DCDC1: variants seen among roughly 807,000 people sequenced by gnomAD.
The protein encoded by DCDC1 is doublecortin domain containing 1.
In DCDC1, 200 loss-of-function variants were observed where a neutral mutation model predicts 178.3. The ratio of observed to expected loss-of-function variants is 1.12; its 90% confidence interval spans 1.00 to 1.26. DCDC1 has a LOEUF of 1.26. Among genes scored for constraint, DCDC1 ranks in the 50% most tolerant of loss-of-function variants. The pLI is 0.00. For synonymous variants in DCDC1, 690 were observed against 604.8 expected, an observed-to-expected ratio of 1.14 and a Z score of -2.07; for missense variants, 1,983 against 1,749.2, an observed-to-expected ratio of 1.13 and a Z score of -2.38.
chr11:31,010,480 C>T (rs1340549092), intron 20 of DCDC1, among the ~76,000 whole-genome samples: 1 of 152,218 alleles, frequency 6.6e-6, no homozygotes, highest in African/African-American at 2.4e-5. Flanking sequence ...GAAAGTGTCC[C>T]ACTCTAGTTT....
rs149129311 is a variant in DCDC1, at chr11:31,261,279, T to C, written c.1054+4228A>G. Among the ~76,000 whole-genome samples, 10 of 152,304 alleles carry C rather than the reference T, an allele frequency of 6.6e-5. 1 individual carries two copies. Among genetic ancestry groups the C allele is most frequent in the African/African-American group, 2.4e-4 (10 of 41,572 alleles). ...CTGTTTACATTATCTCCTAAGTTAA[T>C]CATTATTGTTTTAGGTAGTATTGTG... On this transcript the variant is annotated intron_variant, in intron 8 of 38. Coordinates refer to ENST00000684477, the MANE Select transcript of DCDC1 (RefSeq NM_001387274.1).
At chr11:30,893,580 T>C (rs987072401) in intron 35 of DCDC1, among the ~76,000 whole-genome samples, 1 of 152,228 alleles carries the variant, frequency 6.6e-6, no homozygotes, top group Non-Finnish European at 1.5e-5. Flanking sequence ...GCACGAAGTC[T>C]TATTTCTAGG....
intron 20 of DCDC1, among the ~76,000 whole-genome samples, chr11:31,051,978 G>A (rs1056728306): frequency 3.9e-5 from 6 of 152,152 alleles, no homozygotes; most frequent in African/African-American, 1.4e-4. Flanking sequence ...TGAGCAAGAT[G>A]AAAGCAATGG....
intron 11 of DCDC1, among the ~76,000 whole-genome samples, chr11:31,119,218 TAA>T (rs1960440413): frequency 6.6e-6 from 1 of 152,186 alleles, no homozygotes; most frequent in African/African-American, 2.4e-5. Context: ...CCTACTATCG[TAA>T]AACCTACATA....
intron 20 of DCDC1, among the ~76,000 whole-genome samples, chr11:31,042,098 C>A (rs1289866047): frequency 6.6e-6 from 1 of 152,130 alleles, no homozygotes; most frequent in Admixed American, 6.6e-5. Context: ...CAATAAAATT[C>A]TCCAACAATG....
At chr11:31,193,651 A>G (rs1158327503) in intron 9 of DCDC1, among the ~76,000 whole-genome samples, 1 of 152,052 alleles carries the variant, frequency 6.6e-6, no homozygotes, top group African/African-American at 2.4e-5. Context: ...GGTGGCACAC[A>G]AGTCACCAGA....
At chr11:31,137,632 G>A (rs1963314360) in intron 10 of DCDC1, 60 bp downstream of exon 10, 2 of 685,802 alleles carry the variant, frequency 2.9e-6, no homozygotes, top group Non-Finnish European at 5.3e-6. Context: ...ACAGGCGTAA[G>A]CCACTGTGCC....
chr11:31,340,173 TA>T lies in DCDC1; in HGVS notation c.-124-4610del, dbSNP rs796451433. Among the ~76,000 whole-genome samples the T allele has an allele frequency of 5.3e-5, 8 of 152,274 alleles. No homozygotes were observed. In the South Asian group the frequency reaches 8.3e-4, roughly 16 times the overall value. ...GATACACGGGGCCTTTTTGCATTTT[TA>T]AAATCTGTGCCTAAAAGGCCTTTAA... On this transcript the variant is annotated intron_variant, in intron 1 of 38. Coordinates refer to ENST00000684477, the MANE Select transcript of DCDC1 (RefSeq NM_001387274.1).
At chr11:31,025,005 T>A (rs1212169299) in intron 20 of DCDC1, among the ~76,000 whole-genome samples, 1 of 151,918 alleles carries the variant, frequency 6.6e-6, no homozygotes, top group Non-Finnish European at 1.5e-5. Context: ...AAGCTATAAC[T>A]TAGTAATAGA....
intron 9 of DCDC1, among the ~76,000 whole-genome samples, chr11:31,195,217 T>C (rs1970557688): frequency 6.6e-6 from 1 of 152,072 alleles, no homozygotes; most frequent in South Asian, 2.1e-4. Flanking sequence ...AAGAGTGGAC[T>C]TCAGTTAAAG....
At chr11:31,048,172 T>C (rs892697265) in intron 20 of DCDC1, among the ~76,000 whole-genome samples, 2 of 152,188 alleles carry the variant, frequency 1.3e-5, no homozygotes, top group Non-Finnish European at 2.9e-5. Context: ...CTGACTGTAG[T>C]TCAGAGATGT....
intron 28 of DCDC1, 111 bp downstream of exon 28, chr11:30,911,216 C>A (rs1488814557): frequency 3.7e-6 from 3 of 820,720 alleles, no homozygotes; most frequent in African/African-American, 3.5e-5. Flanking sequence ...TAACAACATT[C>A]AAATAGGATT....
intron 20 of DCDC1, among the ~76,000 whole-genome samples, chr11:31,056,581 G>A (rs938031891): frequency 6.6e-5 from 10 of 152,104 alleles, no homozygotes; most frequent in African/African-American, 2.2e-4. Context: ...GAGAGTATGT[G>A]AGAGTATTTT....
intron 7 of DCDC1, among the ~76,000 whole-genome samples, chr11:31,265,897 TTTA>T (rs1179064696): frequency 6.1e-5 from 9 of 148,684 alleles, no homozygotes; most frequent in South Asian, 2.1e-4. Flanking sequence ...TTATCTATTA[TTTA>T]TTATTATCTA....
At chr11:31,286,576 G>C (rs946968872) in intron 7 of DCDC1, among the ~76,000 whole-genome samples, 1 of 151,824 alleles carries the variant, frequency 6.6e-6, no homozygotes, top group Non-Finnish European at 1.5e-5. Context: ...TTCCAAAAAA[G>C]AGAACCAGAA....
intron 20 of DCDC1, among the ~76,000 whole-genome samples, chr11:30,972,714 C>G (rs1302418835): frequency 6.6e-6 from 1 of 152,092 alleles, no homozygotes; most frequent in Non-Finnish European, 1.5e-5. Context: ...ATAACATAAC[C>G]TTGAATGTAA....
chr11:31,203,210 A>T (rs893616793), intron 9 of DCDC1, among the ~76,000 whole-genome samples: 11 of 152,272 alleles, frequency 7.2e-5, no homozygotes, highest in Non-Finnish European at 1.5e-4. Flanking sequence ...TAAACATTAT[A>T]GTATGCTGTA....
At chr11:31,240,169 CA>C (rs1976939682) in intron 9 of DCDC1, among the ~76,000 whole-genome samples, 2 of 151,776 alleles carry the variant, frequency 1.3e-5, no homozygotes, top group Admixed American at 1.3e-4. Flanking sequence ...AATCATGATC[CA>C]TTTTATAATA....
At chr11:31,213,100 C>T (rs12284116) in intron 9 of DCDC1, among the ~76,000 whole-genome samples, 2,543 of 44,076 alleles carry the variant, frequency 0.058, 71 homozygotes, top group African/African-American at 0.14. Context: ...TAAAGCCCAG[C>T]CTCTCTCTCT....
Sources: allele counts gnomAD v4.1 joint callset (sites outside exome capture counted in the v4.1 genomes callset), GRCh38; gene constraint gnomAD v4.1.1; transcripts MANE v1.5; gene names NCBI Gene and HGNC (gene_info 2026-07-23, HGNC 2026-07-21).